RNASE10: variants seen among roughly 807,000 people sequenced by gnomAD.
RNASE10 encodes ribonuclease A family member 10 (inactive).
A neutral mutation model predicts 1.1 loss-of-function variants in RNASE10; 2 were observed. The observed-to-expected ratio is 1.82, with a 90% confidence interval of 0.74 to 5.73. The LOEUF is 5.73. RNASE10 is among the 30% of genes most tolerant of loss of function. RNASE10 has a pLI of 0.05. For synonymous variants in RNASE10, 97 were observed against 96.2 expected, an observed-to-expected ratio of 1.01 and a Z score of -0.05; for missense variants, 276 against 263.4, an observed-to-expected ratio of 1.05 and a Z score of -0.33.
At chr14:20,511,569 T>TTCTA (rs1186300263), downstream of RNASE10, among the ~76,000 whole-genome samples, 1 of 152,162 alleles carries the variant, frequency 6.6e-6, no homozygotes, top group Non-Finnish European at 1.5e-5. Context: ...GTTAAAGTGA[T>TTCTA]TCTATCTGTA....
At chr14:20,508,447 C>A (rs992172205) in intron 1 of RNASE10, among the ~76,000 whole-genome samples, 1 of 152,172 alleles carries the variant, frequency 6.6e-6, no homozygotes, top group African/African-American at 2.4e-5. Flanking sequence ...CTTTGTCCAG[C>A]GTGTCCATGT....
exon 2 of RNASE10, chr14:20,511,125 C>T: frequency 6.8e-7 from 1 of 1,478,512 alleles, no homozygotes; most frequent in Non-Finnish European, 9.0e-7. Context: ...GACAATGAAG[C>T]AACTCATCAT....
At chr14:20,506,782 C>T (rs1882742404) in intron 1 of RNASE10, among the ~76,000 whole-genome samples, 1 of 134,402 alleles carries the variant, frequency 7.4e-6, no homozygotes, top group South Asian at 2.5e-4. Context: ...CAGCCCCCCG[C>T]CCGGCCAGCC....
downstream of RNASE10, among the ~76,000 whole-genome samples, chr14:20,513,666 G>A (rs1462482972): frequency 2.6e-5 from 4 of 152,158 alleles, no homozygotes; most frequent in Admixed American, 6.5e-5. Context: ...ATATTTCACT[G>A]TGGAAATATC....
upstream of RNASE10, among the ~76,000 whole-genome samples, chr14:20,504,687 C>CAAAAAAAAAAAAAAAAAAA (rs71112507): frequency 2.2e-5 from 1 of 44,544 alleles, no homozygotes; most frequent in African/African-American, 9.6e-5. Flanking sequence ...GACTCCGTCT[C>CAAAAAAAAAAAAAAAAAAA]AAAAAAAAAA....
At chr14:20,512,544 C>G (rs555036909), downstream of RNASE10, among the ~76,000 whole-genome samples, 7 of 152,316 alleles carry the variant, frequency 4.6e-5, no homozygotes, top group Non-Finnish European at 1.0e-4. Flanking sequence ...TTTACTCTGA[C>G]CTGGCTTGCA....
At chr14:20,508,887 C>A (rs969455320) in intron 1 of RNASE10, among the ~76,000 whole-genome samples, 1 of 152,082 alleles carries the variant, frequency 6.6e-6, no homozygotes, top group Non-Finnish European at 1.5e-5. Flanking sequence ...GGAACATATT[C>A]CCTGTGGATA....
downstream of RNASE10, among the ~76,000 whole-genome samples, chr14:20,512,105 C>T (rs1287243068): frequency 6.6e-6 from 1 of 152,050 alleles, no homozygotes; most frequent in Non-Finnish European, 1.5e-5. Flanking sequence ...GAATTATGTC[C>T]AGAAGCAGAA....
Position 20,510,303 on chromosome 14 carries a change from T to C in RNASE10, c.80-164T>C, listed in dbSNP as rs1314686997. The C allele has an allele frequency of 1.6e-5, 16 of 1,008,402 alleles. No individual in the cohort carries two copies. The East Asian group carries it at 3.3e-4, about 21-fold the overall frequency. 62.5% of individuals were successfully genotyped at this position (1,008,402 alleles called of 1,614,324 possible). A position where few individuals can be genotyped will look rare whatever the true frequency, so the allele number is the denominator to read the frequency against. Reference sequence around the variant, plus strand: ...ATGTGGTAGGGAGGAACAAGAGAAATGGGAATGGAAAGAGAAATCGCTGCC... The same window carrying C: ...ATGTGGTAGGGAGGAACAAGAGAAACGGGAATGGAAAGAGAAATCGCTGCC... On this transcript the variant is annotated intron_variant, in intron 1 of 1. Coordinates refer to ENST00000430083, the Ensembl canonical transcript of RNASE10.
chr14:20,510,936 T>C, exon 2 of RNASE10: 2 of 1,610,170 alleles, frequency 1.2e-6, no homozygotes, highest in East Asian at 2.2e-5. Context: ...GTAACAGTCC[T>C]GTCATTGCCT....
chr14:20,509,068 ATCT>A (rs1882830178), intron 1 of RNASE10, among the ~76,000 whole-genome samples: 2 of 151,342 alleles, frequency 1.3e-5, no homozygotes, highest in Admixed American at 1.3e-4. Flanking sequence ...TCTCCTTAGG[ATCT>A]TCTTTTTTTG....
chr14:20,510,676 G>A (rs201207144), exon 2 of RNASE10: 1 of 1,614,220 alleles, frequency 6.2e-7, no homozygotes, highest in South Asian at 1.1e-5. Flanking sequence ...AGAAACGCTG[G>A]TGCTTAGCAA....
At chr14:20,507,402 A>T (rs2139367348) in intron 1 of RNASE10, among the ~76,000 whole-genome samples, 1 of 133,808 alleles carries the variant, frequency 7.5e-6, no homozygotes, top group African/African-American at 3.0e-5. Flanking sequence ...TGTTAAACAG[A>T]TGCTTGAAGG....
chr14:20,511,013 C>T (rs767007054), exon 2 of RNASE10: 35 of 1,585,820 alleles, frequency 2.2e-5, no homozygotes, highest in Middle Eastern at 3.4e-4. Context: ...TGCGAGCTGT[C>T]CCAACCAGAC....
intron 1 of RNASE10, among the ~76,000 whole-genome samples, chr14:20,506,946 G>T (rs1321692861): frequency 2.9e-5 from 4 of 138,542 alleles, no homozygotes; most frequent in African/African-American, 1.1e-4. Flanking sequence ...GGGAGGGGGG[G>T]TCAGCCCCCC....
downstream of RNASE10, chr14:20,511,173 TTTAC>T (rs750327899): frequency 9.8e-6 from 13 of 1,329,906 alleles, no homozygotes; most frequent in Non-Finnish European, 1.2e-5. Flanking sequence ...CTCTTCCTTT[TTTAC>T]TTCTTCTTTC....
chr14:20,507,105 G>T (rs1418224956), intron 1 of RNASE10, among the ~76,000 whole-genome samples: 1 of 149,906 alleles, frequency 6.7e-6, no homozygotes, highest in African/African-American at 2.5e-5. Flanking sequence ...GACCCCGTCT[G>T]GGAGGTGTGC....
chr14:20,505,259 TTGCTCCCTCTCCCTCTCC>T (rs1566535785), upstream of RNASE10, among the ~76,000 whole-genome samples: 2 of 80,012 alleles, frequency 2.5e-5, no homozygotes, highest in African/African-American at 5.7e-5. Context: ...AAAAGTGAGT[TTGCTCCCTCTCCCTCTCC>T]CTCTCCCTCT....
downstream of RNASE10, among the ~76,000 whole-genome samples, chr14:20,513,701 CTTCT>C (rs1242472675): frequency 1.8e-4 from 28 of 152,238 alleles, no homozygotes; most frequent in African/African-American, 6.5e-4. Context: ...TGAGTAGGTC[CTTCT>C]AAGAGTGTGT....
Sources: gnomAD v4.1 joint callset for allele counts (sites outside exome capture counted in the v4.1 genomes callset) on GRCh38, gnomAD v4.1.1 for gene constraint, MANE v1.5 for transcripts, NCBI Gene and HGNC (gene_info 2026-07-23, HGNC 2026-07-21) for gene names.